ETS1: variants seen among roughly 807,000 people sequenced by gnomAD.
ETS1 encodes the protein protein C-ets-1.
In ETS1, 15 loss-of-function variants were observed where a neutral mutation model predicts 58.6. The observed-to-expected ratio is 0.26, with a 90% CI of 0.17 to 0.39. ETS1 has a LOEUF of 0.39. Among genes scored for constraint, ETS1 ranks in the 10% least tolerant of loss-of-function variants. The pLI is 1.00. For synonymous variants in ETS1, 214 were observed against 218.2 expected, an observed-to-expected ratio of 0.98 and a Z score of 0.17; for missense variants, 417 against 610.5, an observed-to-expected ratio of 0.68 and a Z score of 3.34.
At chr11:128,557,361 T>C (rs1864328288) in intron 2 of ETS1, among the ~76,000 whole-genome samples, 1 of 152,182 alleles carries the variant, frequency 6.6e-6, no homozygotes, top group African/African-American at 2.4e-5. Flanking sequence ...AAAGTAATAA[T>C]ACTTACTTCA....
chr11:128,563,604 A>G (rs1215815715), intron 2 of ETS1, among the ~76,000 whole-genome samples: 2 of 152,192 alleles, frequency 1.3e-5, no homozygotes, highest in African/African-American at 4.8e-5. Flanking sequence ...CTTACGACTG[A>G]CAACCTTCAT....
In ETS1 at chr11:128,460,355, A is replaced by C. The variant is rs1412039482; in HGVS notation, c.*2006T>G. ...TGCTCCAATTCATCAGTATGGGGACACTCATGAATCACAGAGCTATGTTCC... is the reference window on the plus strand; with the variant it reads ...TGCTCCAATTCATCAGTATGGGGACCCTCATGAATCACAGAGCTATGTTCC... On this transcript the variant is annotated 3_prime_UTR_variant, in exon 10 of 10. Coordinates refer to ENST00000392668, the MANE Select transcript of ETS1 (RefSeq NM_001143820.2). 6.5e-6 allele frequency: 1 copy of C among 152,794 alleles called. No individual in the cohort carries two copies. The highest frequency in any genetic ancestry group is 1.5e-5 in the Non-Finnish European group (1 of 68,046). The allele number at this position is 152,794 out of a possible 1,614,324, so 9.5% of individuals were successfully genotyped here.
intron 8 of ETS1, among the ~76,000 whole-genome samples, chr11:128,468,330 TG>T (rs1388117051): frequency 3.9e-5 from 6 of 152,250 alleles, no homozygotes; most frequent in Non-Finnish European, 8.8e-5. Flanking sequence ...CCTGCTATTC[TG>T]GTCCCTTGCC....
At chr11:128,527,230 G>C (rs1348180493) in intron 3 of ETS1, 1 of 285,542 alleles carries the variant, frequency 3.5e-6, no homozygotes, top group Non-Finnish European at 6.9e-6. Context: ...GGAGAGAAAG[G>C]GCCTGGGTTG....
chr11:128,566,693 G>T (rs765449620), intron 2 of ETS1, among the ~76,000 whole-genome samples: 4 of 151,798 alleles, frequency 2.6e-5, no homozygotes, highest in Admixed American at 6.6e-5. Flanking sequence ...TGAGGCAGGA[G>T]AATGGCGTGA....
intron 3 of ETS1, among the ~76,000 whole-genome samples, chr11:128,544,247 A>G (rs1337786315): frequency 6.6e-6 from 1 of 151,058 alleles, no homozygotes; most frequent in African/African-American, 2.4e-5. Context: ...AAAAATAGGC[A>G]TAGAGCAAAC....
chr11:128,489,581 C>G (rs1862740035), intron 4 of ETS1, 91 bp from the exon 5 acceptor site: 1 of 968,972 alleles, frequency 1.0e-6, no homozygotes, highest in South Asian at 1.3e-5. Flanking sequence ...CTGAATTTAG[C>G]TGAGAATGCT....
intron 3 of ETS1, among the ~76,000 whole-genome samples, chr11:128,537,015 G>A (rs146311041): frequency 7.2e-5 from 11 of 152,202 alleles, no homozygotes; most frequent in Middle Eastern, 3.4e-3. Context: ...TGCCTAAGAG[G>A]TGGGAAAGGA....
At chr11:128,555,929 C>G (rs1450161214) in intron 3 of ETS1, among the ~76,000 whole-genome samples, 4 of 152,244 alleles carry the variant, frequency 2.6e-5, no homozygotes, top group Admixed American at 2.6e-4. Flanking sequence ...AGCATGTTCT[C>G]TAAGAAGGCC....
intron 1 of ETS1, among the ~76,000 whole-genome samples, chr11:128,577,413 G>GGT (rs1183386048): frequency 2.0e-5 from 3 of 152,152 alleles, no homozygotes; most frequent in Non-Finnish European, 4.4e-5. Context: ...CTGACACCTA[G>GGT]GTGTTTGTTC....
chr11:128,490,042 G>A (rs1862753544), intron 4 of ETS1, among the ~76,000 whole-genome samples: 1 of 152,208 alleles, frequency 6.6e-6, no homozygotes, highest in Admixed American at 6.5e-5. Context: ...ACTCTGCAAA[G>A]TCTGTACTTA....
At chr11:128,535,566 G>A (rs1863961313) in intron 3 of ETS1, among the ~76,000 whole-genome samples, 1 of 152,112 alleles carries the variant, frequency 6.6e-6, no homozygotes, top group Non-Finnish European at 1.5e-5. Flanking sequence ...AAAAATTAAA[G>A]GACTTGGCAA....
chr11:128,544,340 AATATATATATAT>A (rs10542616), intron 3 of ETS1, among the ~76,000 whole-genome samples: 2 of 117,064 alleles, frequency 1.7e-5, no homozygotes, highest in African/African-American at 3.2e-5. Context: ...ATTGTTTACT[AATATATATATAT>A]ATATATATAT....
intron 3 of ETS1, among the ~76,000 whole-genome samples, chr11:128,529,824 T>C (rs1863866622): frequency 6.6e-6 from 1 of 152,188 alleles, no homozygotes; most frequent in Non-Finnish European, 1.5e-5. Context: ...ATGAGCAGCA[T>C]TATAGTGTCA....
intron 2 of ETS1, among the ~76,000 whole-genome samples, chr11:128,558,174 C>A (rs1864344113): frequency 6.6e-6 from 1 of 152,214 alleles, no homozygotes; most frequent in African/African-American, 2.4e-5. Context: ...GTAAGTGGGA[C>A]TCAGTGGAAA....
In ETS1 at chr11:128,487,696, G is replaced by A. The variant is rs565632617; in HGVS notation, c.536-1550C>T. ...GAAGGTTGCAGTGAGCCGACATCGCGCGACTGCACTCCAGCCTGGGTGACA... is the reference window on the plus strand; with the variant it reads ...GAAGGTTGCAGTGAGCCGACATCGCACGACTGCACTCCAGCCTGGGTGACA... On this transcript the variant is annotated intron_variant, in intron 5 of 9. Transcript: ENST00000392668. 7.9e-5 allele frequency among the ~76,000 whole-genome samples: 12 copies of A among 152,106 alleles called. 1 individual carries two copies. Among genetic ancestry groups the A allele is most frequent in the East Asian group, 1.9e-4 (1 of 5,166 alleles).
intron 3 of ETS1, among the ~76,000 whole-genome samples, chr11:128,547,673 C>T (rs1471689568): frequency 1.7e-4 from 26 of 151,902 alleles, no homozygotes; most frequent in Non-Finnish European, 1.2e-4. Context: ...AACAGAGATC[C>T]CAAAGTCCTG....
chr11:128,549,610 G>A lies in ETS1; in HGVS notation c.214+6681C>T, dbSNP rs930149855. 3.3e-5 allele frequency among the ~76,000 whole-genome samples: 5 copies of A among 152,324 alleles called. No individual in the cohort carries two copies. The highest frequency in any genetic ancestry group is 1.9e-4 in the East Asian group (1 of 5,190). The stretch of plus-strand genomic sequence containing the variant: ...TTCGAGAAGCTGCGAGTTCGAGGGC[G>A]GGCCGGCGGAAGGCTTGCCTTTCCA... On this transcript the variant is annotated intron_variant, in intron 3 of 9. Coordinates refer to ENST00000392668, the MANE Select transcript of ETS1 (RefSeq NM_001143820.2). The surrounding 1 kb of genome is among the most constrained non-coding windows in gnomAD (Gnocchi z 4.3).
chr11:128,586,931 A>G (rs536597610), intron 1 of ETS1, among the ~76,000 whole-genome samples: 21 of 152,322 alleles, frequency 1.4e-4, no homozygotes, highest in Admixed American at 7.8e-4. Context: ...CAACAGACTT[A>G]GGAACTTGTA....
Sources: allele counts gnomAD v4.1 joint callset (sites outside exome capture counted in the v4.1 genomes callset), GRCh38; gene constraint gnomAD v4.1.1; non-coding constraint Gnocchi (gnomAD v3.1); transcripts MANE v1.5; gene names NCBI Gene and HGNC (gene_info 2026-07-23, HGNC 2026-07-21).